Variants in LY96 observed in about 807,000 individuals in gnomAD.
The protein encoded by LY96 is lymphocyte antigen 96.
Under a neutral mutation model 18.9 loss-of-function variants are expected in LY96, and 18 were observed. That is an observed-to-expected ratio of 0.95 (90% CI 0.66 to 1.41). LY96 has a LOEUF of 1.41. LY96 is among the 40% of genes most tolerant of loss of function. The pLI, the probability that LY96 is intolerant of heterozygous loss-of-function variation, is 0.00. For synonymous variants in LY96, 66 were observed against 62.6 expected (o/e 1.06, Z -0.26); for missense variants, 175 against 182.4 (o/e 0.96, Z 0.23).
the LY96 span, among the ~76,000 whole-genome samples, chr8:74,043,937 G>C: frequency 2.0e-5 from 3 of 152,160 alleles, no homozygotes; most frequent in African/African-American, 7.2e-5. Flanking sequence ...AGGCTCAAGC[G>C]ATCTTCCCGT....
At chr8:74,075,217 C>A in the LY96 span, among the ~76,000 whole-genome samples, 2 of 152,166 alleles carry the variant, frequency 1.3e-5, no homozygotes, top group East Asian at 3.9e-4. Flanking sequence ...CTGAATTGAC[C>A]CCTTTATTAT....
At chr8:74,046,568 A>T in the LY96 span, among the ~76,000 whole-genome samples, 76 of 152,042 alleles carry the variant, frequency 5.0e-4, 1 homozygote, top group South Asian at 0.016. Context: ...AAATATGCCC[A>T]CCCCCCACGC....
At chr8:74,069,468 C>T in the LY96 span, among the ~76,000 whole-genome samples, 9 of 152,184 alleles carry the variant, frequency 5.9e-5, no homozygotes, top group Non-Finnish European at 1.0e-4. Context: ...TATTCACACA[C>T]GTGACCAGGA....
downstream of LY96, among the ~76,000 whole-genome samples, chr8:74,033,186 C>CAA (rs151190176): frequency 1.3e-5 from 2 of 148,258 alleles, no homozygotes; most frequent in African/African-American, 4.9e-5. Flanking sequence ...GCATAATTAA[C>CAA]AAAAAAAAAG....
the LY96 span, among the ~76,000 whole-genome samples, chr8:74,076,984 T>A: frequency 1.3e-5 from 2 of 152,304 alleles, no homozygotes; most frequent in African/African-American, 4.8e-5. Flanking sequence ...GGGGTTCCCA[T>A]GATGAGTTTG....
At chr8:74,006,509 C>A (rs118139142) in intron 2 of LY96, among the ~76,000 whole-genome samples, 1,931 of 152,268 alleles carry the variant, frequency 0.013, 147 homozygotes, top group Admixed American at 0.11. Flanking sequence ...ATAAGACATT[C>A]TCCTGATCTT....
At chr8:74,065,622 C>T in the LY96 span, among the ~76,000 whole-genome samples, 1 of 152,128 alleles carries the variant, frequency 6.6e-6, no homozygotes, top group African/African-American at 2.4e-5. Flanking sequence ...ATAAACTTGA[C>T]CTGGCTCTGT....
At chr8:74,061,542 T>C in the LY96 span, among the ~76,000 whole-genome samples, 1 of 152,186 alleles carries the variant, frequency 6.6e-6, no homozygotes. Context: ...GGAATAAGTG[T>C]GTGAGATCTG....
intron 3 of LY96, among the ~76,000 whole-genome samples, chr8:74,019,824 C>T (rs1371857895): frequency 2.0e-5 from 3 of 152,052 alleles, no homozygotes; most frequent in Admixed American, 6.6e-5. Flanking sequence ...AAAAATCACA[C>T]GATTATGTCA....
chr8:74,060,888 G>A, the LY96 span, among the ~76,000 whole-genome samples: 1 of 152,150 alleles, frequency 6.6e-6, no homozygotes, highest in Non-Finnish European at 1.5e-5. Flanking sequence ...CCAGTTTTCC[G>A]GTTTTGCCGT....
chr8:74,029,827 T>C (rs1816939992), downstream of LY96, among the ~76,000 whole-genome samples: 1 of 152,130 alleles, frequency 6.6e-6, no homozygotes, highest in Non-Finnish European at 1.5e-5. Context: ...ACCTGGCTAA[T>C]TTTTGTATTT....
At chr8:74,050,626 C>T in the LY96 span, among the ~76,000 whole-genome samples, 2 of 152,060 alleles carry the variant, frequency 1.3e-5, no homozygotes, top group East Asian at 1.9e-4. Flanking sequence ...CATTTCTTAA[C>T]GTTGTTTTCA....
At chr8:74,091,345 G>T in the LY96 span, among the ~76,000 whole-genome samples, 1 of 152,142 alleles carries the variant, frequency 6.6e-6, no homozygotes, top group South Asian at 2.1e-4. Flanking sequence ...CTTGTCCAGT[G>T]CCCAACTTTC....
chr8:74,017,485 A>G (rs1394938917), intron 3 of LY96, among the ~76,000 whole-genome samples: 2 of 152,196 alleles, frequency 1.3e-5, no homozygotes, highest in Non-Finnish European at 1.5e-5. Context: ...TCTTCAGGAT[A>G]TTATCCAGGA....
chr8:74,041,636 T>C, the LY96 span, among the ~76,000 whole-genome samples: 3 of 152,212 alleles, frequency 2.0e-5, no homozygotes, highest in Non-Finnish European at 2.9e-5. Flanking sequence ...GTCTGTCTTA[T>C]GCGGTTGAGA....
intron 3 of LY96, among the ~76,000 whole-genome samples, chr8:74,012,276 A>C (rs1816547211): frequency 6.6e-6 from 1 of 152,224 alleles, no homozygotes; most frequent in Admixed American, 6.5e-5. Context: ...AAAGATATGG[A>C]ATTTACCTAA....
At chr8:74,054,617 C>CTTCTTTCTTTCTTTCTTTCTTTCTTTCT in the LY96 span, among the ~76,000 whole-genome samples, 2 of 70,172 alleles carry the variant, frequency 2.9e-5, no homozygotes, top group South Asian at 7.1e-4. Flanking sequence ...TTTCCTTTTC[C>CTTCTTTCTTTCTTTCTTTCTTTCTTTCT]TTCTTTCTTT....
intron 4 of LY96, among the ~76,000 whole-genome samples, chr8:74,027,572 C>T (rs891791737): frequency 2.6e-5 from 4 of 152,080 alleles, no homozygotes; most frequent in Non-Finnish European, 5.9e-5. Context: ...CTGGACCAAA[C>T]TGAGGGTCGG....
chr8:74,046,378 T>C, the LY96 span, among the ~76,000 whole-genome samples: 2,767 of 152,210 alleles, frequency 0.018, 95 homozygotes, highest in African/African-American at 0.06. Context: ...ATTTGACAAC[T>C]CTTGGAACTG....
Sources: gnomAD v4.1 joint callset for allele counts (sites outside exome capture counted in the v4.1 genomes callset) on GRCh38, gnomAD v4.1.1 for gene constraint, MANE v1.5 for transcripts, NCBI Gene and HGNC (gene_info 2026-07-23, HGNC 2026-07-21) for gene names.